CHM: variants seen among roughly 807,000 people sequenced by gnomAD.
CHM encodes the protein CHM Rab escort protein.
A neutral mutation model predicts 49.0 loss-of-function variants in CHM; 10 were observed. The observed-to-expected ratio is 0.20, with a 90% CI of 0.13 to 0.35. The LOEUF (loss-of-function observed/expected upper bound fraction) is 0.35. Ranked by LOEUF, CHM falls within the 10% of genes least tolerant of loss-of-function variation. The probability of loss-of-function intolerance (pLI) is 1.00; values close to 1 mark genes in which losing one functional copy is unlikely to be tolerated. For synonymous variants in CHM, 184 were observed against 167.5 expected, an observed-to-expected ratio of 1.10 and a Z score of -0.76; for missense variants, 455 against 478.4, an observed-to-expected ratio of 0.95 and a Z score of 0.46.
At chrX:86,009,149 T>C (rs754492464) in intron 2 of CHM, among the ~76,000 whole-genome samples, 10 of 112,135 alleles carry the variant, frequency 8.9e-5, no homozygotes, top group Non-Finnish European at 1.3e-4. Flanking sequence ...GGAAGGTCCT[T>C]CATATGACAA....
Position 86,047,524 on chromosome X carries a change from A to T in CHM, c.9T>A (p.Asp3Glu). The T allele has an allele frequency of 8.3e-7, 1 of 1,206,573 alleles. No individual in the cohort carries two copies. The highest frequency in any genetic ancestry group is 1.8e-5 in the South Asian group (1 of 56,026). Residue 3 changes from aspartate (D) to glutamate (E), a missense_variant, in exon 1 of 15, where the codon GAT (aspartate) becomes GAA (glutamate). Physicochemically the swap from Asp to Glu is conservative, Grantham distance 45. Transcript: ENST00000357749. ...TCACATCAAACTCCGAAGGGAGAGT[A>T]TCCGCCATCTTGACGGGAAACGTGT... MA[D>E]TLPSEFDVIV...
intron 2 of CHM, among the ~76,000 whole-genome samples, chrX:86,007,367 A>T (rs1194521334): frequency 8.9e-6 from 1 of 112,102 alleles, no homozygotes; most frequent in Non-Finnish European, 1.9e-5. Flanking sequence ...CTTCATGTCT[A>T]AAACACCAAA....
intron 6 of CHM, 149 bp downstream of exon 6, chrX:85,958,712 T>G: frequency 1.1e-6 from 1 of 944,917 alleles, no homozygotes; most frequent in East Asian, 3.4e-5. Context: ...CTAGAAATTT[T>G]AATTAAGCAT....
At chrX:85,913,384 G>A (rs1286849752) in intron 8 of CHM, among the ~76,000 whole-genome samples, 7 of 95,330 alleles carry the variant, frequency 7.3e-5, no homozygotes, top group Non-Finnish European at 1.3e-4. Context: ...AAGAAAGAAA[G>A]AAAAAAGGAA....
chrX:85,939,111 G>A, intron 8 of CHM, among the ~76,000 whole-genome samples: 1 of 112,083 alleles, frequency 8.9e-6, no homozygotes, highest in East Asian at 2.8e-4. Context: ...AGAAGCAATA[G>A]GCTATATCAT....
intron 12 of CHM, among the ~76,000 whole-genome samples, chrX:85,879,623 T>C (rs1294533287): frequency 8.9e-6 from 1 of 111,740 alleles, no homozygotes; most frequent in African/African-American, 3.2e-5. Context: ...TCTTGGAGAA[T>C]GTTTATGTTA....
chrX:86,018,977 C>T (rs1056121105), intron 2 of CHM, among the ~76,000 whole-genome samples: 3 of 111,604 alleles, frequency 2.7e-5, no homozygotes, highest in Non-Finnish European at 5.6e-5. Context: ...TTTTTCTATA[C>T]CAAATCTAAC....
intron 14 of CHM, among the ~76,000 whole-genome samples, chrX:85,867,055 A>G (rs899464840): frequency 3.6e-5 from 4 of 111,859 alleles, no homozygotes; most frequent in African/African-American, 1.3e-4. Flanking sequence ...ATTGGTTTTG[A>G]AATGTGAAAA....
chrX:86,024,661 A>G (rs770709140), intron 2 of CHM, among the ~76,000 whole-genome samples: 7 of 112,165 alleles, frequency 6.2e-5, no homozygotes, highest in African/African-American at 2.3e-4. Flanking sequence ...AAAAAGAGAT[A>G]TGGAGAGCTA....
intron 2 of CHM, among the ~76,000 whole-genome samples, chrX:86,002,520 G>A (rs1932763082): frequency 8.9e-6 from 1 of 112,438 alleles, no homozygotes; most frequent in African/African-American, 3.2e-5. Context: ...ATTTCCAACT[G>A]AGGTACCTGA....
At chrX:85,960,627 T>C (rs1395146660) in intron 5 of CHM, among the ~76,000 whole-genome samples, 1 of 110,146 alleles carries the variant, frequency 9.1e-6, no homozygotes, top group Non-Finnish European at 1.9e-5. Context: ...GGTTTCACCA[T>C]GTTGGTCAGG....
intron 8 of CHM, among the ~76,000 whole-genome samples, chrX:85,912,547 A>G (rs1349854298): frequency 2.7e-5 from 3 of 111,601 alleles, no homozygotes; most frequent in Non-Finnish European, 5.6e-5. Flanking sequence ...AAAGACGACT[A>G]TGGTAGGCTG....
chrX:86,030,554 T>C (rs1377051098), intron 1 of CHM, among the ~76,000 whole-genome samples: 1 of 111,454 alleles, frequency 9.0e-6, no homozygotes, highest in African/African-American at 3.3e-5. Context: ...GAGGTTGCCA[T>C]ACGTTTTTTG....
intron 4 of CHM, chrX:85,969,815 G>A (rs2147687436): frequency 8.9e-6 from 1 of 112,004 alleles, no homozygotes; most frequent in Admixed American, 9.5e-5. Context: ...GTGACAACAT[G>A]GATGAGCCTG....
At chrX:85,986,654 A>G (rs746246452) in intron 2 of CHM, among the ~76,000 whole-genome samples, 46 of 111,712 alleles carry the variant, frequency 4.1e-4, no homozygotes, top group African/African-American at 1.5e-3. Context: ...AATAACCAGA[A>G]AAGAAGTCTA....
At chrX:85,937,661 TG>T in intron 8 of CHM, among the ~76,000 whole-genome samples, 1 of 109,102 alleles carries the variant, frequency 9.2e-6, no homozygotes, top group East Asian at 2.9e-4. Context: ...CTGGGCAACA[TG>T]GTGAAACCCC....
rs776256380 is a variant in CHM, at chrX:85,958,965, G to A, written c.715C>T (p.Arg239Ter). 1 of 1,210,101 alleles carries A rather than the reference G, an allele frequency of 8.3e-7. No individual in the cohort carries two copies. The highest frequency in any genetic ancestry group is 1.1e-6 in the Non-Finnish European group (1 of 894,680). The change falls in exon 6 of 15, where the codon CGA (arginine) becomes TGA (stop). Residue 239 changes from arginine to a stop codon, truncating the protein, a stop_gained. Coordinates refer to ENST00000357749, the MANE Select transcript of CHM (RefSeq NM_000390.4). LOFTEE classifies it high-confidence loss of function. ...IDLVSKLLYS[R>*]GLLIDLLIKS... is the part of the protein sequence containing the mutation. The stretch of plus-strand genomic sequence containing the variant: ...ATTAGAAGATCAATTAGTAATCCTC[G>A]AGAATACAGCAGCTGTACAAAGAAA...
At chrX:85,978,514 C>A in intron 4 of CHM, 1 of 254,561 alleles carries the variant, frequency 3.9e-6, no homozygotes, top group South Asian at 4.3e-5. Flanking sequence ...CCTACCCTAG[C>A]AAAGAATTGT....
intron 2 of CHM, among the ~76,000 whole-genome samples, chrX:85,994,308 C>T (rs1157117292): frequency 8.9e-6 from 1 of 111,960 alleles, no homozygotes; most frequent in African/African-American, 3.2e-5. Flanking sequence ...TCCTCCGCTC[C>T]TTGCAAAATG....
Sources: gnomAD v4.1 joint callset for allele counts (sites outside exome capture counted in the v4.1 genomes callset) on GRCh38, gnomAD v4.1.1 for gene constraint, MANE v1.5 for transcripts, NCBI Gene and HGNC (gene_info 2026-07-23, HGNC 2026-07-21) for gene names.